SORCS2: variants seen among roughly 807,000 people sequenced by gnomAD.
The protein encoded by SORCS2 is VPS10 domain-containing receptor SorCS2.
SORCS2 carries 100 observed loss-of-function variants against 141.6 expected under a neutral mutation model. The observed-to-expected ratio is 0.71, with a 90% CI of 0.60 to 0.83. The LOEUF is 0.83. Among genes scored for constraint, SORCS2 ranks in the 40% least tolerant of loss-of-function variants. The probability of loss-of-function intolerance (pLI) is 0.00; values close to 1 mark genes in which losing one functional copy is unlikely to be tolerated. For synonymous variants in SORCS2, 789 were observed against 676.9 expected, an observed-to-expected ratio of 1.17 and a Z score of -2.57; for missense variants, 1,646 against 1,560.2, an observed-to-expected ratio of 1.05 and a Z score of -0.93.
intron 2 of SORCS2, among the ~76,000 whole-genome samples, chr4:7,414,840 A>G (rs868554856): frequency 3.9e-5 from 6 of 152,098 alleles, no homozygotes; most frequent in African/African-American, 1.4e-4. Flanking sequence ...AACTTCATAC[A>G]TGGTTGGTGT....
At chr4:7,376,939 A>C (rs1239573150) in intron 1 of SORCS2, among the ~76,000 whole-genome samples, 2 of 152,158 alleles carry the variant, frequency 1.3e-5, no homozygotes, top group East Asian at 3.9e-4. Flanking sequence ...CCAGTGCACA[A>C]ACCCTGGCCT....
intron 1 of SORCS2, among the ~76,000 whole-genome samples, chr4:7,231,385 T>TA (rs1311329985): frequency 1.3e-5 from 2 of 152,024 alleles, no homozygotes; most frequent in African/African-American, 2.4e-5. Flanking sequence ...CCTGCAGAAA[T>TA]ACCCAGAATA....
intron 1 of SORCS2, among the ~76,000 whole-genome samples, chr4:7,392,458 C>T (rs976931091): frequency 2.6e-5 from 4 of 152,154 alleles, no homozygotes; most frequent in Admixed American, 2.6e-4. Flanking sequence ...CATGGACTCA[C>T]CCACTCATTG....
At chr4:7,572,860 A>G (rs1242195611) in intron 3 of SORCS2, among the ~76,000 whole-genome samples, 1 of 152,206 alleles carries the variant, frequency 6.6e-6, no homozygotes, top group African/African-American at 2.4e-5. Context: ...GAGGTTAAGA[A>G]ATTTTTATTT....
intron 3 of SORCS2, among the ~76,000 whole-genome samples, chr4:7,608,319 C>T (rs947620282): frequency 6.6e-6 from 1 of 152,188 alleles, no homozygotes; most frequent in African/African-American, 2.4e-5. Flanking sequence ...CCAGGATCTC[C>T]GGACCACGTC....
At chr4:7,407,478 A>C (rs1375748465) in intron 2 of SORCS2, among the ~76,000 whole-genome samples, 1 of 152,046 alleles carries the variant, frequency 6.6e-6, no homozygotes, top group East Asian at 1.9e-4. Flanking sequence ...AGCCTATTTC[A>C]TTGGCTATAA....
At chr4:7,646,197 G>A (rs1385562558) in intron 4 of SORCS2, among the ~76,000 whole-genome samples, 1 of 152,246 alleles carries the variant, frequency 6.6e-6, no homozygotes, top group Non-Finnish European at 1.5e-5. Context: ...GCAAACAGCT[G>A]TGCAGGCGTG....
At chr4:7,345,230 A>C (rs1720592250) in intron 1 of SORCS2, among the ~76,000 whole-genome samples, 1 of 152,142 alleles carries the variant, frequency 6.6e-6, no homozygotes. Context: ...TCTGCCATGA[A>C]ATCTTAAAAC....
At chr4:7,333,615 T>C (rs762141347) in intron 1 of SORCS2, among the ~76,000 whole-genome samples, 7 of 151,904 alleles carry the variant, frequency 4.6e-5, no homozygotes, top group Non-Finnish European at 1.0e-4. Context: ...CTGCCTCACC[T>C]GGGGACTGGC....
In SORCS2 at chr4:7,664,432, C is replaced by T. The variant is rs757234955; in HGVS notation, c.1032C>T (p.His344=). The change falls in exon 7 of 27, where the codon CAC becomes CAT. Residue 344 remains histidine (H), a synonymous_variant. Coordinates refer to ENST00000507866, the MANE Select transcript of SORCS2 (RefSeq NM_020777.3). This position sits in a 1 kb window ranked among gnomAD's most constrained non-coding sequence, Gnocchi z 4.7. ...CCCCATTCGCAGGCCCCATTGACCA[C>T]GGGTCTCTGACCGTGCAGGACGATT... ...LTAPFAGPID[H]GSLTVQDDYI... 67 of 1,613,804 alleles carry T rather than the reference C, an allele frequency of 4.2e-5. No individual in the cohort carries two copies. Among genetic ancestry groups the T allele is most frequent in the East Asian group, 3.3e-4 (15 of 44,890 alleles).
chr4:7,327,981 G>A (rs1255166981), intron 1 of SORCS2, among the ~76,000 whole-genome samples: 1 of 141,354 alleles, frequency 7.1e-6, no homozygotes, highest in Non-Finnish European at 1.5e-5. Flanking sequence ...CATCATCAGA[G>A]TTTGAGGACC....
At chr4:7,356,181 G>A (rs2109015086) in intron 1 of SORCS2, among the ~76,000 whole-genome samples, 1 of 152,328 alleles carries the variant, frequency 6.6e-6, no homozygotes, top group South Asian at 2.1e-4. Flanking sequence ...ACTCACCCAG[G>A]ACAGGTCCCC....
intron 1 of SORCS2, among the ~76,000 whole-genome samples, chr4:7,361,923 C>T (rs188792346): frequency 0.017 from 684 of 39,680 alleles, 4 homozygotes; most frequent in African/African-American, 0.058. Context: ...GCGGGGAGGG[C>T]GGTGGGGTAG....
chr4:7,356,977 T>C (rs1050743531), intron 1 of SORCS2, among the ~76,000 whole-genome samples: 3 of 152,208 alleles, frequency 2.0e-5, no homozygotes, highest in Non-Finnish European at 4.4e-5. Flanking sequence ...TTTTCTCATC[T>C]CATCCTTCCC....
chr4:7,550,159 T>C (rs2109628547), intron 3 of SORCS2, among the ~76,000 whole-genome samples: 1 of 148,852 alleles, frequency 6.7e-6, no homozygotes, highest in Non-Finnish European at 1.5e-5. Flanking sequence ...TGTGTGTGTG[T>C]GTATTTCAAG....
chr4:7,277,182 A>G (rs1715557306), intron 1 of SORCS2, among the ~76,000 whole-genome samples: 1 of 152,202 alleles, frequency 6.6e-6, no homozygotes, highest in South Asian at 2.1e-4. Context: ...AGCTCAGTGT[A>G]AACTTTCCTG....
At chr4:7,425,178 G>A (rs954873143) in intron 2 of SORCS2, among the ~76,000 whole-genome samples, 4 of 152,210 alleles carry the variant, frequency 2.6e-5, no homozygotes, top group East Asian at 3.8e-4. Context: ...AGCACACCAC[G>A]CAGGAGCCTC....
chr4:7,458,958 G>A (rs1278353299), intron 2 of SORCS2, among the ~76,000 whole-genome samples: 3 of 152,200 alleles, frequency 2.0e-5, no homozygotes, highest in South Asian at 2.1e-4. Context: ...TGCGGGGACT[G>A]GGCTTGGGCC....
At chr4:7,681,188 C>A (rs914700664) in intron 9 of SORCS2, among the ~76,000 whole-genome samples, 8 of 152,150 alleles carry the variant, frequency 5.3e-5, no homozygotes, top group African/African-American at 1.2e-4. Flanking sequence ...GTGACCCCCT[C>A]AAAGATGGCC....
Sources: allele counts gnomAD v4.1 joint callset (sites outside exome capture counted in the v4.1 genomes callset), GRCh38; gene constraint gnomAD v4.1.1; non-coding constraint Gnocchi (gnomAD v3.1); transcripts MANE v1.5; gene names NCBI Gene and HGNC (gene_info 2026-07-23, HGNC 2026-07-21).